Variants in CHST9 observed in about 807,000 individuals in gnomAD.
CHST9 encodes carbohydrate sulfotransferase 9.
A neutral mutation model predicts 44.4 loss-of-function variants in CHST9; 41 were observed. The ratio of observed to expected loss-of-function variants is 0.92; its 90% CI spans 0.72 to 1.20. The LOEUF (loss-of-function observed/expected upper bound fraction) is 1.20. CHST9 is among the 50% of genes most tolerant of loss of function. The probability of loss-of-function intolerance (pLI) is 0.00; values close to 1 mark genes in which losing one functional copy is unlikely to be tolerated. For missense variants in CHST9, 504 were observed against 516.5 expected (o/e 0.98, Z 0.23); for synonymous variants, 171 against 178.4 (o/e 0.96, Z 0.33).
rs141662121 is a variant in CHST9 at position 27,080,166 on chromosome 18, C to T, written c.122-31663G>A. On this transcript the variant is annotated intron_variant, in intron 2 of 5. Coordinates refer to ENST00000618847, the MANE Select transcript of CHST9 (RefSeq NM_031422.6). ...TAATCTAGGCAGGAGCTGGCAAATA[C>T]TAAAATGACCATAAAACAAGGTAGA... Among the ~76,000 whole-genome samples, 381 of 152,024 alleles carry T rather than the reference C, an allele frequency of 2.5e-3. 2 individuals are homozygous for T. The highest frequency in any genetic ancestry group is 4.6e-3 in the Non-Finnish European group (311 of 67,980).
At chr18:27,044,125 C>T (rs144638836) in intron 3 of CHST9, among the ~76,000 whole-genome samples, 8 of 151,882 alleles carry the variant, frequency 5.3e-5, no homozygotes, top group East Asian at 2.0e-4. Context: ...ACTCAAGTCT[C>T]GCCTCTTCCA....
chr18:26,921,397 G>T (rs1471889785), intron 5 of CHST9, among the ~76,000 whole-genome samples: 1 of 152,122 alleles, frequency 6.6e-6, no homozygotes, highest in Non-Finnish European at 1.5e-5. Context: ...GTTTCCTCTA[G>T]TCTAACCAAA....
At chr18:27,056,966 G>C (rs534254974) in intron 2 of CHST9, among the ~76,000 whole-genome samples, 16 of 152,278 alleles carry the variant, frequency 1.1e-4, no homozygotes, top group African/African-American at 3.6e-4. Context: ...ATTCTCCCCA[G>C]TTATGAGCTA....
chr18:27,178,371 T>C (rs1371017783), intron 1 of CHST9, among the ~76,000 whole-genome samples: 2 of 151,960 alleles, frequency 1.3e-5, no homozygotes, highest in Admixed American at 1.3e-4. Context: ...ATATATACAA[T>C]GGCCTAAAAA....
intron 1 of CHST9, among the ~76,000 whole-genome samples, chr18:27,175,057 T>C (rs2058858080): frequency 6.6e-6 from 1 of 152,120 alleles, no homozygotes; most frequent in African/African-American, 2.4e-5. Context: ...ACATAGTAAG[T>C]GCCCATCAGT....
At chr18:27,004,176 G>C (rs1369135753) in intron 4 of CHST9, among the ~76,000 whole-genome samples, 1 of 151,156 alleles carries the variant, frequency 6.6e-6, no homozygotes, top group Non-Finnish European at 1.5e-5. Flanking sequence ...CAGAATGAAA[G>C]ATAGGCTTGT....
Position 26,907,911 on chromosome 18 carries a change from G to A in CHST9, c.*8348C>T, listed in dbSNP as rs970987979. 2.2e-5 allele frequency: 4 copies of A among 178,056 alleles called. No individual in the cohort carries two copies. The highest frequency in any genetic ancestry group is 4.7e-5 in the Non-Finnish European group (4 of 85,706). The allele number at this position is 178,056 out of a possible 1,614,324, so 11.0% of individuals were successfully genotyped here. A position where few individuals can be genotyped will look rare whatever the true frequency, so the allele number is the denominator to read the frequency against. Reference sequence around the variant, plus strand: ...AAGAGAAATACGCCAGTCACAAAAAGACACATGCTGTATGATTCCATTTAT... The same window carrying A: ...AAGAGAAATACGCCAGTCACAAAAAAACACATGCTGTATGATTCCATTTAT... On this transcript the variant is annotated 3_prime_UTR_variant, in exon 6 of 6. Coordinates refer to ENST00000618847, the MANE Select transcript of CHST9 (RefSeq NM_031422.6).
chr18:26,949,068 G>A (rs937117907), intron 4 of CHST9, among the ~76,000 whole-genome samples: 1 of 152,122 alleles, frequency 6.6e-6, no homozygotes, highest in Non-Finnish European at 1.5e-5. Context: ...GGTGGCCAAA[G>A]CAGTTCTTGA....
At chr18:26,966,284 T>C (rs1008860412) in intron 4 of CHST9, among the ~76,000 whole-genome samples, 13 of 152,236 alleles carry the variant, frequency 8.5e-5, no homozygotes, top group African/African-American at 3.1e-4. Context: ...TTGAAAATAT[T>C]CTTTCATTTT....
In CHST9 at chr18:26,924,099, G is replaced by A. The variant is rs554267775; in HGVS notation, c.241-6749C>T. ...TCAATAAGGTCGTGACAAGATTCAC[G>A]ATTTAAAACATTCTGGGGCAGTGGG... On this transcript the variant is annotated intron_variant, in intron 5 of 5. Transcript: ENST00000618847. Among the ~76,000 whole-genome samples, 3 of 152,254 alleles carry A rather than the reference G, an allele frequency of 2.0e-5. No individual in the cohort carries two copies. The South Asian group carries it at 6.2e-4, about 32-fold the overall frequency.
chr18:27,029,926 T>TACTTCCATCA (rs1292673225), intron 3 of CHST9, among the ~76,000 whole-genome samples: 1 of 152,232 alleles, frequency 6.6e-6, no homozygotes, highest in Non-Finnish European at 1.5e-5. Context: ...AGTCCTTCTT[T>TACTTCCATCA]AGGTAATACT....
At chr18:27,041,217 A>C (rs2057441072) in intron 3 of CHST9, among the ~76,000 whole-genome samples, 1 of 152,120 alleles carries the variant, frequency 6.6e-6, no homozygotes, top group African/African-American at 2.4e-5. Context: ...CTAGCTCTTG[A>C]ATATTCATTT....
intron 2 of CHST9, among the ~76,000 whole-genome samples, chr18:27,080,643 T>C (rs2057951001): frequency 6.6e-6 from 1 of 152,068 alleles, no homozygotes; most frequent in Non-Finnish European, 1.5e-5. Flanking sequence ...AATGTGTAAT[T>C]TGGTGTGTTG....
chr18:27,055,977 G>T (rs530166449), intron 2 of CHST9, among the ~76,000 whole-genome samples: 2 of 150,684 alleles, frequency 1.3e-5, no homozygotes, highest in African/African-American at 4.9e-5. Context: ...CACAAGATAC[G>T]TTTGGCATAT....
At chr18:27,138,349 C>T (rs1356031008) in intron 2 of CHST9, among the ~76,000 whole-genome samples, 1 of 152,160 alleles carries the variant, frequency 6.6e-6, no homozygotes, top group Non-Finnish European at 1.5e-5. Flanking sequence ...ATGGAGGCAG[C>T]TTGTATGGAC....
rs1568151239 is a variant in CHST9 at position 27,053,269 on chromosome 18, A to AAGAAGAAGAAGAAGAG, written c.122-4767_122-4766insCTCTTCTTCTTCTTCT. Among the ~76,000 whole-genome samples, 7 of 114,282 alleles carry AAGAAGAAGAAGAAGAG rather than the reference A, an allele frequency of 6.1e-5. 1 individual carries two copies. The highest frequency in any genetic ancestry group is 2.4e-4 in the African/African-American group (7 of 28,962). 75.0% of individuals were successfully genotyped at this position (114,282 alleles called of 152,430 possible). On this transcript the variant is annotated intron_variant, in intron 2 of 5. Coordinates refer to ENST00000618847, the MANE Select transcript of CHST9 (RefSeq NM_031422.6). ...AAGAAGAAGAAGAAGAAGGAGAAGG[A>AAGAAGAAGAAGAAGAG]GAAGGAGAAGGAGAAGGAGAAGGAG...
chr18:27,138,161 C>A (rs1003944420), intron 2 of CHST9, among the ~76,000 whole-genome samples: 9 of 152,192 alleles, frequency 5.9e-5, no homozygotes, highest in African/African-American at 2.2e-4. Flanking sequence ...CCTTTTGTCC[C>A]AATGGCTTGG....
intron 4 of CHST9, among the ~76,000 whole-genome samples, chr18:27,020,616 T>C (rs2057213310): frequency 6.6e-6 from 1 of 152,228 alleles, no homozygotes; most frequent in Admixed American, 6.5e-5. Context: ...CACCTTGCAT[T>C]TGATATATTT....
chr18:27,050,940 G>T (rs903927648), intron 2 of CHST9, among the ~76,000 whole-genome samples: 1 of 152,198 alleles, frequency 6.6e-6, no homozygotes, highest in Admixed American at 6.5e-5. Flanking sequence ...CTGAAAGTTG[G>T]AAGTGTATGT....
Sources: allele counts gnomAD v4.1 joint callset (sites outside exome capture counted in the v4.1 genomes callset), GRCh38; gene constraint gnomAD v4.1.1; transcripts MANE v1.5; gene names NCBI Gene and HGNC (gene_info 2026-07-23, HGNC 2026-07-21).